NLRP1: variants seen among roughly 807,000 people sequenced by gnomAD.
NLRP1 encodes the protein NACHT, LRR and PYD domains-containing protein 1.
NLRP1 carries 94 observed loss-of-function variants against 136.7 expected under a neutral mutation model. The ratio of observed to expected loss-of-function variants is 0.69; its 90% CI spans 0.58 to 0.82. The LOEUF is 0.82. NLRP1 is among the 40% of genes least tolerant of loss of function. The pLI is 0.00. For synonymous variants in NLRP1, 690 were observed against 725.1 expected, an observed-to-expected ratio of 0.95 and a Z score of 0.78; for missense variants, 1,575 against 1,802.7, an observed-to-expected ratio of 0.87 and a Z score of 2.29.
intron 3 of NLRP1, among the ~76,000 whole-genome samples, chr17:5,562,535 T>C (rs944326297): frequency 3.3e-5 from 5 of 152,152 alleles, no homozygotes; most frequent in Non-Finnish European, 7.4e-5. Context: ...AGGAGTGGAC[T>C]AAGTGAGAAG....
chr17:5,511,874 CTTCT>C (rs1555541255), downstream of NLRP1, among the ~76,000 whole-genome samples: 2 of 149,496 alleles, frequency 1.3e-5, no homozygotes, highest in African/African-American at 5.0e-5. Flanking sequence ...CTTTCTCTCT[CTTCT>C]TTCTTCTTTC....
rs1184798897 is a variant in NLRP1 at position 5,514,667 on chromosome 17, G to A, written c.*87C>T. ...TTAGTGCTGGAAGGCAAACCAGATG[G>A]CAACTTGTTTGCAGAGAAAGAAACT... On this transcript the variant is annotated 3_prime_UTR_variant, in exon 17 of 17. Coordinates refer to ENST00000572272, the MANE Select transcript of NLRP1 (RefSeq NM_033004.4). The A allele has an allele frequency of 6.4e-7, 1 of 1,558,866 alleles. No individual in the cohort carries two copies. Among genetic ancestry groups the A allele is most frequent in the African/African-American group, 1.4e-5 (1 of 73,506 alleles).
At chr17:5,569,916 C>T (rs897672648) in intron 3 of NLRP1, among the ~76,000 whole-genome samples, 3 of 152,084 alleles carry the variant, frequency 2.0e-5, no homozygotes, top group Admixed American at 6.5e-5. Context: ...ATACCAGCCA[C>T]ACTCTTGGAC....
At chr17:5,539,845 G>A (rs1213520664) in intron 6 of NLRP1, among the ~76,000 whole-genome samples, 4 of 152,120 alleles carry the variant, frequency 2.6e-5, no homozygotes, top group African/African-American at 9.7e-5. Flanking sequence ...CCCTCACTCT[G>A]TCCACATTGA....
At chr17:5,506,902 CAAAAAAAA>C (rs199684717) in intron 15 of NLRP1, among the ~76,000 whole-genome samples, 4 of 88,804 alleles carry the variant, frequency 4.5e-5, no homozygotes, top group African/African-American at 3.6e-5. Flanking sequence ...AACTCCATCT[CAAAAAAAA>C]AAAAAAAAAA....
chr17:5,521,880 A>C, intron 12 of NLRP1, 94 bp from the exon 13 acceptor site: 1 of 1,271,818 alleles, frequency 7.9e-7, no homozygotes, highest in Non-Finnish European at 1.1e-6. Flanking sequence ...GCTGGAGTGC[A>C]ATGGTACAAT....
chr17:5,574,966 A>G (rs1904862994), intron 3 of NLRP1, among the ~76,000 whole-genome samples: 1 of 152,116 alleles, frequency 6.6e-6, no homozygotes, highest in Non-Finnish European at 1.5e-5. Context: ...GCCTGGCAAT[A>G]TTCAACTTTC....
At position 5,582,696 on chromosome 17, in the gene NLRP1, G is replaced by T; in HGVS notation, c.422C>A (p.Pro141His). ...TCTCCAGCGGCGTCCAGATGTGTCA[G>T]GCAGCTGTCTCAAAACCCTTCTCTC... ...GSERRVLRQL[P>H]DTSGRRWREI... Residue 141 changes from proline (P) to histidine (H), a missense_variant, in exon 2 of 17, where the codon CCT (proline) becomes CAT (histidine). Pro to His is a moderately conservative substitution (Grantham distance 77, BLOSUM62 -2). Coordinates refer to ENST00000572272, the MANE Select transcript of NLRP1 (RefSeq NM_033004.4). 2 of 1,614,152 alleles carry T rather than the reference G, an allele frequency of 1.2e-6. No individual in the cohort carries two copies. The highest frequency in any genetic ancestry group is 1.7e-6 in the Non-Finnish European group (2 of 1,180,020).
intron 3 of NLRP1, among the ~76,000 whole-genome samples, chr17:5,578,091 C>T (rs1013632373): frequency 9.9e-5 from 15 of 151,962 alleles, no homozygotes; most frequent in Non-Finnish European, 2.2e-4. Context: ...CTTCCTTACA[C>T]CTTATACAAA....
chr17:5,563,649 G>A (rs12946509), intron 3 of NLRP1, among the ~76,000 whole-genome samples: 10,018 of 152,160 alleles, frequency 0.066, 413 homozygotes, highest in African/African-American at 0.11. Context: ...TCTATGACTC[G>A]CTGGCATCCC....
At chr17:5,531,802 T>C (rs1050968596) in intron 11 of NLRP1, among the ~76,000 whole-genome samples, 4 of 152,224 alleles carry the variant, frequency 2.6e-5, no homozygotes, top group Non-Finnish European at 4.4e-5. Context: ...GCCATATTCA[T>C]CTTAGGGTCC....
chr17:5,511,662 G>A (rs1449398915), downstream of NLRP1, among the ~76,000 whole-genome samples: 1 of 152,196 alleles, frequency 6.6e-6, no homozygotes, highest in Non-Finnish European at 1.5e-5. Flanking sequence ...TGCAGAAGGA[G>A]GCGGGGCATG....
chr17:5,561,297 T>C (rs1914712151), intron 3 of NLRP1, among the ~76,000 whole-genome samples: 1 of 152,160 alleles, frequency 6.6e-6, no homozygotes, highest in Non-Finnish European at 1.5e-5. Context: ...TCACGTGATC[T>C]GCCCGCCTCA....
chr17:5,578,435 C>T (rs936541699), intron 3 of NLRP1, among the ~76,000 whole-genome samples: 2 of 152,122 alleles, frequency 1.3e-5, no homozygotes, highest in African/African-American at 4.8e-5. Context: ...ACAACTCCAT[C>T]AAAAAGTGGG....
Position 5,514,365 on chromosome 17 carries a change from C to G in NLRP1, c.*389G>C. 2 of 1,068,802 alleles carry G rather than the reference C, an allele frequency of 1.9e-6. No individual in the cohort carries two copies. The highest frequency in any genetic ancestry group is 6.5e-5 in the South Asian group (2 of 30,658). 66.2% of individuals were successfully genotyped at this position (1,068,802 alleles called of 1,614,324 possible). A position where few individuals can be genotyped will look rare whatever the true frequency, so the allele number is the denominator to read the frequency against. On this transcript the variant is annotated 3_prime_UTR_variant, in exon 17 of 17. Coordinates refer to ENST00000572272, the MANE Select transcript of NLRP1 (RefSeq NM_033004.4). ...AGCCAAGAATCCACGTGGCCTCCCA[C>G]GCTGAACCCCAATTTTGGGGCTCAC...
At chr17:5,555,853 G>C (rs1374550160) in intron 4 of NLRP1, among the ~76,000 whole-genome samples, 2 of 152,004 alleles carry the variant, frequency 1.3e-5, no homozygotes, top group African/African-American at 4.8e-5. Context: ...AGCACTTTGG[G>C]AGGCTGAGGC....
At chr17:5,575,014 A>G (rs1904867456) in intron 3 of NLRP1, among the ~76,000 whole-genome samples, 1 of 152,108 alleles carries the variant, frequency 6.6e-6, no homozygotes, top group South Asian at 2.1e-4. Context: ...TTTCATATCC[A>G]GCCAAACTAA....
At chr17:5,553,906 G>A (rs578226009) in intron 4 of NLRP1, among the ~76,000 whole-genome samples, 1 of 150,488 alleles carries the variant, frequency 6.6e-6, no homozygotes, top group Non-Finnish European at 1.5e-5. Flanking sequence ...GCCTGGCCTC[G>A]GTGCTGAGCA....
rs186804665 is a variant in NLRP1 at position 5,573,396 on chromosome 17, C to A, written c.652+8463G>T. ...GTAGACTCCACCTCTGGGGGCAGGG[C>A]ATAGCCAAACAAAAGGCAGCAGAAA... On this transcript the variant is annotated intron_variant, in intron 3 of 16. Coordinates refer to ENST00000572272, the MANE Select transcript of NLRP1 (RefSeq NM_033004.4). 1.3e-3 allele frequency among the ~76,000 whole-genome samples: 197 copies of A among 152,322 alleles called. 1 individual carries two copies. Among genetic ancestry groups the A allele is most frequent in the African/African-American group, 4.5e-3 (186 of 41,574 alleles).
Sources: allele counts gnomAD v4.1 joint callset (sites outside exome capture counted in the v4.1 genomes callset), GRCh38; gene constraint gnomAD v4.1.1; transcripts MANE v1.5; gene names NCBI Gene and HGNC (gene_info 2026-07-23, HGNC 2026-07-21).